The following MBD5 variants were observed in gnomAD, a reference collection of about 807,000 sequenced individuals.
MBD5 encodes methyl-CpG-binding domain protein 5.
A neutral mutation model predicts 117.3 loss-of-function variants in MBD5; 13 were observed. That is an observed-to-expected ratio of 0.11 (90% CI 0.07 to 0.18). The LOEUF (loss-of-function observed/expected upper bound fraction) is 0.18. Ranked by LOEUF, MBD5 falls within the 10% of genes least tolerant of loss-of-function variation. MBD5 has a pLI of 1.00. For missense variants in MBD5, 1,879 were observed against 2,093.8 expected (o/e 0.90, Z 2.00); for synonymous variants, 727 against 766.4 (o/e 0.95, Z 0.85).
At chr2:148,511,547 A>T (rs183368361) in intron 13 of MBD5, among the ~76,000 whole-genome samples, 1 of 152,250 alleles carries the variant, frequency 6.6e-6, no homozygotes, top group South Asian at 2.1e-4. Context: ...TCCATTTTTC[A>T]TATAAAACTA....
At position 148,238,142 on chromosome 2, in the gene MBD5, C is replaced by T. The variant is rs867419753; in HGVS notation, c.-680+4747C>T. On this transcript the variant is annotated intron_variant, in intron 3 of 13. Coordinates refer to ENST00000642680, the MANE Select transcript of MBD5 (RefSeq NM_001378120.1). ...AATGAATTTGCTCATTCTATTTATG[C>T]CAAACTTGTTTTACATCATTGTTTC... 8.5e-5 allele frequency among the ~76,000 whole-genome samples: 13 copies of T among 152,242 alleles called. No individual in the cohort carries two copies. In the Middle Eastern group the frequency reaches 0.027, roughly 319 times the overall value.
intron 2 of MBD5, among the ~76,000 whole-genome samples, chr2:148,180,470 A>G (rs995662744): frequency 1.5e-4 from 23 of 151,386 alleles, no homozygotes; most frequent in African/African-American, 5.6e-4. Flanking sequence ...TCAAGCAGCT[A>G]GGACTGCAGG....
At chr2:148,315,342 A>C (rs1339514534) in intron 3 of MBD5, among the ~76,000 whole-genome samples, 1 of 152,194 alleles carries the variant, frequency 6.6e-6, no homozygotes, top group African/African-American at 2.4e-5. Flanking sequence ...TATTTCCTTG[A>C]AGTCTCTTGT....
At chr2:148,206,560 A>G (rs1176893769) in intron 2 of MBD5, among the ~76,000 whole-genome samples, 1 of 152,142 alleles carries the variant, frequency 6.6e-6, no homozygotes, top group Admixed American at 6.5e-5. Flanking sequence ...TATTCCTTCT[A>G]TCTAATGGTA....
At chr2:148,421,983 G>C (rs1177602136) in intron 4 of MBD5, among the ~76,000 whole-genome samples, 2 of 152,172 alleles carry the variant, frequency 1.3e-5, no homozygotes. Flanking sequence ...GCACCTGGGG[G>C]AAGGGGCAGT....
chr2:148,294,079 C>A (rs1286891180), intron 3 of MBD5, among the ~76,000 whole-genome samples: 1 of 151,892 alleles, frequency 6.6e-6, no homozygotes, highest in East Asian at 1.9e-4. Context: ...GAAGAAGTTT[C>A]TTTAGTACTT....
intron 2 of MBD5, among the ~76,000 whole-genome samples, chr2:148,195,554 C>A (rs781635990): frequency 1.3e-5 from 2 of 152,096 alleles, no homozygotes; most frequent in Non-Finnish European, 2.9e-5. Flanking sequence ...ACTAACCTGA[C>A]CGAATTGACA....
intron 4 of MBD5, among the ~76,000 whole-genome samples, chr2:148,374,268 C>T (rs867652212): frequency 6.7e-6 from 1 of 149,266 alleles, no homozygotes; most frequent in East Asian, 1.9e-4. Flanking sequence ...CACACACACA[C>T]ACACACACGA....
chr2:148,307,475 C>T (rs1363308633), intron 3 of MBD5, among the ~76,000 whole-genome samples: 1 of 126,758 alleles, frequency 7.9e-6, no homozygotes, highest in African/African-American at 2.8e-5. Context: ...AAACAACAGT[C>T]ATCTTACTGT....
intron 8 of MBD5, among the ~76,000 whole-genome samples, chr2:148,475,647 A>T (rs1260402800): frequency 6.6e-6 from 1 of 152,154 alleles, no homozygotes; most frequent in African/African-American, 2.4e-5. Flanking sequence ...GAGCTCACTT[A>T]TAAAGCCACT....
At chr2:148,033,175 C>T (rs1694089184) in intron 1 of MBD5, among the ~76,000 whole-genome samples, 2 of 152,018 alleles carry the variant, frequency 1.3e-5, no homozygotes, top group South Asian at 4.2e-4. Context: ...CTGAATTTAG[C>T]ACATATTCGT....
chr2:148,103,825 A>G (rs950817358), intron 1 of MBD5, among the ~76,000 whole-genome samples: 10 of 152,178 alleles, frequency 6.6e-5, no homozygotes, highest in African/African-American at 2.4e-4. Flanking sequence ...TAGGAGAATA[A>G]TTTAAAAATA....
chr2:148,363,219 T>C (rs545112388), intron 4 of MBD5, among the ~76,000 whole-genome samples: 1 of 152,152 alleles, frequency 6.6e-6, no homozygotes, highest in Admixed American at 6.5e-5. Flanking sequence ...TCTAACCCAA[T>C]GAAAGGAAGC....
Position 148,049,806 on chromosome 2 carries a change from A to C in MBD5, c.-925+28122A>C, listed in dbSNP as rs527438029. 2.6e-5 allele frequency among the ~76,000 whole-genome samples: 4 copies of C among 152,280 alleles called. No individual in the cohort carries two copies. The East Asian group carries it at 7.7e-4, about 29-fold the overall frequency. On this transcript the variant is annotated intron_variant, in intron 1 of 13. Coordinates refer to ENST00000642680, the MANE Select transcript of MBD5 (RefSeq NM_001378120.1). ...TATTCTGGACATTTCATATAAATGAATTTATATAATATGTGGCCTTTTGTG... is the reference window on the plus strand; with the variant it reads ...TATTCTGGACATTTCATATAAATGACTTTATATAATATGTGGCCTTTTGTG...
At chr2:148,376,244 A>T (rs1703981550) in intron 4 of MBD5, among the ~76,000 whole-genome samples, 1 of 148,036 alleles carries the variant, frequency 6.8e-6, no homozygotes, top group Admixed American at 6.9e-5. Flanking sequence ...AAATATTCTT[A>T]TTATATTTCT....
intron 4 of MBD5, among the ~76,000 whole-genome samples, chr2:148,345,443 A>G (rs1454494384): frequency 1.1e-5 from 1 of 91,810 alleles, no homozygotes; most frequent in Non-Finnish European, 2.6e-5. Context: ...ACATATGTAT[A>G]TACACATACA....
chr2:148,310,145 T>G (rs1701994514), intron 3 of MBD5, among the ~76,000 whole-genome samples: 1 of 152,188 alleles, frequency 6.6e-6, no homozygotes. Flanking sequence ...TGTATCAGAG[T>G]GATGCTGCCC....
chr2:148,225,949 A>C (rs1271085898), intron 2 of MBD5, among the ~76,000 whole-genome samples: 1 of 152,038 alleles, frequency 6.6e-6, no homozygotes, highest in African/African-American at 2.4e-5. Context: ...TTAATTCTGC[A>C]TGGTGTTCTA....
intron 1 of MBD5, among the ~76,000 whole-genome samples, chr2:148,121,669 C>T (rs929157061): frequency 6.6e-6 from 1 of 152,000 alleles, no homozygotes; most frequent in African/African-American, 2.4e-5. Context: ...GAGACATCGT[C>T]CTGGTTTTGA....
Sources: allele counts gnomAD v4.1 joint callset (sites outside exome capture counted in the v4.1 genomes callset), GRCh38; gene constraint gnomAD v4.1.1; transcripts MANE v1.5; gene names NCBI Gene and HGNC (gene_info 2026-07-23, HGNC 2026-07-21).